RHD: variants seen among roughly 807,000 people sequenced by gnomAD.
RHD encodes the protein Rh blood group D antigen.
In RHD, 16 loss-of-function variants were observed where a neutral mutation model predicts 45.5. The observed-to-expected ratio is 0.35, with a 90% confidence interval of 0.24 to 0.53. The LOEUF (loss-of-function observed/expected upper bound fraction) is 0.53, where lower values mean the gene tolerates loss of function less well. RHD is among the 20% of genes least tolerant of loss of function. The probability of loss-of-function intolerance (pLI) is 0.92; values close to 1 mark genes in which losing one functional copy is unlikely to be tolerated. For missense variants in RHD, 306 were observed against 532.0 expected, an observed-to-expected ratio of 0.58 and a Z score of 4.18; for synonymous variants, 131 against 217.5, an observed-to-expected ratio of 0.60 and a Z score of 3.50.
At chr1:25,292,184 A>C (rs1398145033) in intron 3 of RHD, among the ~76,000 whole-genome samples, 1 of 132,904 alleles carries the variant, frequency 7.5e-6, no homozygotes, top group African/African-American at 2.6e-5. Context: ...AAAAAAAAGC[A>C]TGAAGCCCCT....
At chr1:25,302,264 G>C (rs1401578951) in intron 5 of RHD, among the ~76,000 whole-genome samples, 1 of 127,530 alleles carries the variant, frequency 7.8e-6, no homozygotes, top group Non-Finnish European at 1.8e-5. Context: ...GTGTGTGTGA[G>C]TCTTGTGGGC....
In RHD at chr1:25,279,335, T is replaced by C. The variant is rs577756986; in HGVS notation, c.149-5238T>C. 8.8e-5 allele frequency among the ~76,000 whole-genome samples: 11 copies of C among 125,192 alleles called. 1 individual carries two copies. The highest frequency in any genetic ancestry group is 5.0e-4 in the South Asian group (2 of 4,040). 82.1% of individuals were successfully genotyped at this position (125,192 alleles called of 152,430 possible). A position where few individuals can be genotyped will look rare whatever the true frequency, so the allele number is the denominator to read the frequency against. On this transcript the variant is annotated intron_variant, in intron 1 of 9. Transcript: ENST00000328664. ...GCAATCCTCTGAGCAGCTGGCATTG[T>C]TTCATCTCAATTTTACAGCTCAGGA... is the stretch of plus-strand genomic sequence containing the variant.
chr1:25,282,120 T>G lies in RHD; in HGVS notation c.149-2453T>G, dbSNP rs558269183. On this transcript the variant is annotated intron_variant, in intron 1 of 9. Coordinates refer to ENST00000328664, the MANE Select transcript of RHD (RefSeq NM_016124.6). ...GTACTAAACATTATTTCCTTTGGAT[T>G]TCCCAGAAACCTCTCAGGTGGGTCT... 9.8e-5 allele frequency among the ~76,000 whole-genome samples: 13 copies of G among 132,660 alleles called. 2 individuals carry two copies. The South Asian group carries it at 1.2e-3, about 12-fold the overall frequency. 87.0% of individuals were successfully genotyped at this position (132,660 alleles called of 152,430 possible).
chr1:25,305,626 T>A (rs1643759183), intron 6 of RHD, among the ~76,000 whole-genome samples: 1 of 124,360 alleles, frequency 8.0e-6, no homozygotes, highest in Non-Finnish European at 1.9e-5. Context: ...GTTGAGACGG[T>A]GTCTCGCTCT....
chr1:25,321,498 TAAAAAAAAAAAA>T (rs1214598540), intron 8 of RHD, among the ~76,000 whole-genome samples: 1 of 76,328 alleles, frequency 1.3e-5, no homozygotes, highest in Non-Finnish European at 3.0e-5. Flanking sequence ...CCATCTCTAC[TAAAAAAAAAAAA>T]AAAAAAAAAA....
rs895776948 is a variant in RHD, at chr1:25,315,081, GTA to G, written c.1074-1918_1074-1917del. Among the ~76,000 whole-genome samples, 2 of 128,506 alleles carry G rather than the reference GTA, an allele frequency of 1.6e-5. 1 individual carries two copies. Among genetic ancestry groups the G allele is most frequent in the Non-Finnish European group, 3.7e-5 (2 of 54,536 alleles). 84.3% of individuals were successfully genotyped at this position (128,506 alleles called of 152,430 possible). A position where few individuals can be genotyped will look rare whatever the true frequency, so the allele number is the denominator to read the frequency against. ...TAGCTGGGCGTTGTGGCTCTTGCCT[GTA>G]GTCTCAGCTACTCGGGAGGCTGAGA... is the stretch of plus-strand genomic sequence containing the variant. On this transcript the variant is annotated intron_variant, in intron 7 of 9. Coordinates refer to ENST00000328664, the MANE Select transcript of RHD (RefSeq NM_016124.6).
chr1:25,298,069 T>C (rs1304301008), intron 3 of RHD, among the ~76,000 whole-genome samples: 2 of 122,338 alleles, frequency 1.6e-5, no homozygotes, highest in African/African-American at 5.5e-5. Context: ...TGCATTTCTA[T>C]GTCCCAGATC....
At chr1:25,312,919 C>CA (rs1571719513) in intron 7 of RHD, among the ~76,000 whole-genome samples, 1 of 3,618 alleles carries the variant, frequency 2.8e-4, no homozygotes, top group East Asian at 0.014. Flanking sequence ...AATCCCATCT[C>CA]TAAAAAAAAA....
intron 1 of RHD, among the ~76,000 whole-genome samples, chr1:25,278,581 T>C (rs1641215882): frequency 7.6e-6 from 1 of 130,874 alleles, no homozygotes; most frequent in Admixed American, 7.5e-5. Context: ...TGGCAGTTGG[T>C]GATTCACTGG....
At chr1:25,300,599 C>T (rs1478649725) in intron 3 of RHD, among the ~76,000 whole-genome samples, 1 of 130,130 alleles carries the variant, frequency 7.7e-6, no homozygotes. Context: ...CGCCTGAGGT[C>T]AGGAGTTTGA....
chr1:25,304,436 A>G lies in RHD; in HGVS notation c.939+977A>G, dbSNP rs1433107377. 3.9e-5 allele frequency: 5 copies of G among 129,630 alleles called. 2 individuals carry two copies. The highest frequency in any genetic ancestry group is 3.8e-4 in the Admixed American group (5 of 13,298). 8.0% of individuals were successfully genotyped at this position (129,630 alleles called of 1,614,324 possible). On this transcript the variant is annotated intron_variant, in intron 6 of 9. Transcript: ENST00000328664. ...CAACATGGTGAAACCCATCTCTACT[A>G]AAAGTACAAAAATTAGCCAGGCATG...
chr1:25,284,746 A>C lies in RHD; in HGVS notation c.322A>C (p.Ile108Leu). Residue 108 changes from isoleucine (I) to leucine (L), a missense_variant, in exon 2 of 10, where the codon ATC becomes CTC. Transcript: ENST00000328664. ...LSQFPSGKVV[I>L]TLFSIRLATM... ...CCAGTTCCCTTCTGGGAAGGTGGTC[A>C]TCACACTGTTCAGGTATTGGGATGG... The C allele has an allele frequency of 7.2e-7, 1 of 1,388,944 alleles. No individual in the cohort carries two copies. The highest frequency in any genetic ancestry group is 1.0e-6 in the Non-Finnish European group (1 of 985,488). 86.0% of individuals were successfully genotyped at this position (1,388,944 alleles called of 1,614,324 possible). A position where few individuals can be genotyped will look rare whatever the true frequency, so the allele number is the denominator to read the frequency against.
intron 3 of RHD, among the ~76,000 whole-genome samples, chr1:25,291,111 C>A (rs1642463173): frequency 7.7e-6 from 1 of 130,210 alleles, no homozygotes; most frequent in Non-Finnish European, 1.8e-5. Flanking sequence ...GGCAACATAG[C>A]AAGACCTCAT....
At position 25,322,620 on chromosome 1, in the gene RHD, C is replaced by T. The variant is rs957165802; in HGVS notation, c.1227+658C>T. Among the ~76,000 whole-genome samples the T allele has an allele frequency of 1.8e-4, 23 of 130,696 alleles. 5 individuals carry two copies. The highest frequency in any genetic ancestry group is 3.4e-4 in the Non-Finnish European group (19 of 55,172). 85.7% of individuals were successfully genotyped at this position (130,696 alleles called of 152,430 possible). A position where few individuals can be genotyped will look rare whatever the true frequency, so the allele number is the denominator to read the frequency against. Reference sequence around the variant, plus strand: ...CCTGGGAAGCGAAGTTTGCAGTGATCTGAGATCATGCCACTGCACTCCAGC... The same window carrying T: ...CCTGGGAAGCGAAGTTTGCAGTGATTTGAGATCATGCCACTGCACTCCAGC... On this transcript the variant is annotated intron_variant, in intron 9 of 9. Transcript: ENST00000328664.
intron 1 of RHD, among the ~76,000 whole-genome samples, chr1:25,275,654 G>GA (rs1476443538): frequency 7.5e-6 from 1 of 133,080 alleles, no homozygotes; most frequent in African/African-American, 2.6e-5. Context: ...TACAAATTAG[G>GA]AAAATTGAAA....
intron 8 of RHD, among the ~76,000 whole-genome samples, chr1:25,320,776 T>G (rs894095341): frequency 7.6e-6 from 1 of 132,058 alleles, no homozygotes; most frequent in African/African-American, 2.6e-5. Flanking sequence ...GCACAGTGGC[T>G]CACACCTGTA....
intron 2 of RHD, among the ~76,000 whole-genome samples, chr1:25,285,073 C>T (rs190018716): frequency 9.7e-5 from 13 of 133,486 alleles, no homozygotes; most frequent in Non-Finnish European, 2.3e-4. Context: ...TTATGGAAAA[C>T]GTAAGAAGGA....
In RHD at chr1:25,301,659, G is replaced by A; in HGVS notation, c.774G>A (p.Leu258=). The A allele has an allele frequency of 7.2e-7, 1 of 1,379,960 alleles. No homozygotes were observed. The highest frequency in any genetic ancestry group is 1.2e-5 in the South Asian group (1 of 84,942). 85.5% of individuals were successfully genotyped at this position (1,379,960 alleles called of 1,614,324 possible). A position where few individuals can be genotyped will look rare whatever the true frequency, so the allele number is the denominator to read the frequency against. The change falls in exon 5 of 10, where the codon TTG becomes TTA. Residue 258 remains leucine, a synonymous_variant. Coordinates refer to ENST00000328664, the MANE Select transcript of RHD (RefSeq NM_016124.6). The part of the protein sequence containing the change: ...SVVTAISGSS[L]AHPQGKISKT... ...TGACAGCCATCTCAGGGTCATCCTTGGCTCACCCCCAAGGGAAGATCAGCA... is the reference window on the plus strand; with the variant it reads ...TGACAGCCATCTCAGGGTCATCCTTAGCTCACCCCCAAGGGAAGATCAGCA...
At chr1:25,277,980 C>T (rs1459365451) in intron 1 of RHD, among the ~76,000 whole-genome samples, 1 of 132,372 alleles carries the variant, frequency 7.6e-6, no homozygotes, top group East Asian at 1.9e-4. Context: ...GGCCCAAAAG[C>T]TTTAATTTCT....
Sources: allele counts gnomAD v4.1 joint callset (sites outside exome capture counted in the v4.1 genomes callset), GRCh38; gene constraint gnomAD v4.1.1; transcripts MANE v1.5; gene names NCBI Gene and HGNC (gene_info 2026-07-23, HGNC 2026-07-21).